Variants in SRPK2 observed in about 807,000 individuals in gnomAD.
SRPK2 encodes the protein SRSF protein kinase 2.
SRPK2 carries 21 observed loss-of-function variants against 90.8 expected under a neutral mutation model. The ratio of observed to expected loss-of-function variants is 0.23; its 90% CI spans 0.16 to 0.33. SRPK2 has a LOEUF of 0.33. Among genes scored for constraint, SRPK2 ranks in the 10% least tolerant of loss-of-function variants. The pLI is 1.00. For missense variants in SRPK2, 620 were observed against 869.0 expected (o/e 0.71, Z 3.60); for synonymous variants, 288 against 311.1 (o/e 0.93, Z 0.78).
intron 2 of SRPK2, among the ~76,000 whole-genome samples, chr7:105,321,234 A>G (rs1340100210): frequency 6.6e-6 from 1 of 152,224 alleles, no homozygotes; most frequent in Non-Finnish European, 1.5e-5. Context: ...AGAACAGACT[A>G]TTCAACAAAT....
chr7:105,287,977 C>T (rs1371852796), intron 2 of SRPK2, among the ~76,000 whole-genome samples: 3 of 152,148 alleles, frequency 2.0e-5, no homozygotes, highest in Non-Finnish European at 4.4e-5. Flanking sequence ...AAAACACTGC[C>T]ATCACACCAT....
At chr7:105,297,492 A>G in intron 2 of SRPK2, 1 of 985,406 alleles carries the variant, frequency 1.0e-6, no homozygotes, top group Non-Finnish European at 1.2e-6. Context: ...GGCCCCTCAG[A>G]TGTATCAACA....
chr7:105,187,859 A>G (rs1793787768), intron 3 of SRPK2, among the ~76,000 whole-genome samples: 1 of 152,232 alleles, frequency 6.6e-6, no homozygotes, highest in African/African-American at 2.4e-5. Flanking sequence ...TAATAGAATT[A>G]CAGAAGCAAG....
intron 7 of SRPK2, among the ~76,000 whole-genome samples, chr7:105,153,859 C>A (rs571721741): frequency 5.3e-5 from 8 of 152,276 alleles, no homozygotes; most frequent in African/African-American, 1.9e-4. Flanking sequence ...TACTTGTGGG[C>A]GTGCGGGACA....
chr7:105,379,473 T>C (rs192128109), intron 2 of SRPK2, among the ~76,000 whole-genome samples: 1 of 152,272 alleles, frequency 6.6e-6, no homozygotes, highest in African/African-American at 2.4e-5. Context: ...GTATATTCTA[T>C]ATGATTTCAT....
rs556687655 is a variant in SRPK2, at chr7:105,142,406, G to A, written c.1145C>T (p.Ala382Val). ...TTCTATCCACGTAGGGTCTATGTTC[G>A]CAAGTTCCTGATCTACATCATCTTC... ...KDEDDVDQEL[A>V]NIDPTWIESP... The change falls in exon 11 of 16, where the codon GCG (alanine) becomes GTG (valine). Residue 382 changes from alanine (A) to valine (V), a missense_variant. Around this residue, in one of 8 missense-constraint regions of SRPK2, gnomAD observed 243 missense variants for 245.7 expected, o/e 0.99. Coordinates refer to ENST00000393651, the MANE Select transcript of SRPK2 (RefSeq NM_182692.3). 1.1e-5 allele frequency: 17 copies of A among 1,613,860 alleles called. No individual in the cohort carries two copies. Among genetic ancestry groups the A allele is most frequent in the South Asian group, 2.2e-5 (2 of 91,064 alleles).
At chr7:105,398,622 T>G (rs1209209947) in intron 1 of SRPK2, among the ~76,000 whole-genome samples, 1 of 152,188 alleles carries the variant, frequency 6.6e-6, no homozygotes. Flanking sequence ...AAGCCTCCTT[T>G]TAAAAGCACC....
Position 105,285,724 on chromosome 7 carries a change from C to T in SRPK2, c.72-81939G>A, listed in dbSNP as rs148965361. Among the ~76,000 whole-genome samples the T allele has an allele frequency of 8.1e-4, 124 of 152,282 alleles. No individual in the cohort carries two copies. The East Asian group carries it at 0.022, about 27-fold the overall frequency. On this transcript the variant is annotated intron_variant, in intron 2 of 15. Transcript: ENST00000393651. ...CTCTCTCTTGCTCCAGCTCTTACCA[C>T]GCAACCCATCTAACCACCTGCTCTC...
At chr7:105,383,993 T>C (rs1034809059) in intron 2 of SRPK2, among the ~76,000 whole-genome samples, 12 of 152,138 alleles carry the variant, frequency 7.9e-5, no homozygotes, top group Non-Finnish European at 1.6e-4. Flanking sequence ...GAAATAAATA[T>C]GGAGTTTCTT....
intron 2 of SRPK2, among the ~76,000 whole-genome samples, chr7:105,228,625 T>C (rs969869875): frequency 6.6e-6 from 1 of 152,178 alleles, no homozygotes; most frequent in Non-Finnish European, 1.5e-5. Flanking sequence ...AAGAGAGCAG[T>C]GTAACACCCT....
intron 2 of SRPK2, among the ~76,000 whole-genome samples, chr7:105,205,496 T>TTCTCTCTCTC (rs57970307): frequency 7.3e-6 from 1 of 137,762 alleles, no homozygotes; most frequent in African/African-American, 2.9e-5. Flanking sequence ...ATAATATTCA[T>TTCTCTCTCTC]TCTCTCTCTC....
chr7:105,271,074 C>T lies in SRPK2; in HGVS notation c.72-67289G>A, dbSNP rs1370340285. 2.8e-4 allele frequency among the ~76,000 whole-genome samples: 42 copies of T among 152,204 alleles called. 2 individuals carry two copies. Among genetic ancestry groups the T allele is most frequent in the Admixed American group, 2.7e-3 (42 of 15,282 alleles). On this transcript the variant is annotated intron_variant, in intron 2 of 15. Coordinates refer to ENST00000393651, the MANE Select transcript of SRPK2 (RefSeq NM_182692.3). Reference sequence around the variant, plus strand: ...ACTTAACTTTAATCTGTATCTCAGCCTCCCTTCCTAGAGAATTGTGCTCCA... The same window carrying T: ...ACTTAACTTTAATCTGTATCTCAGCTTCCCTTCCTAGAGAATTGTGCTCCA...
Position 105,170,383 on chromosome 7 carries a change from G to A in SRPK2, c.230-1118C>T, listed in dbSNP as rs1454409922. On this transcript the variant is annotated intron_variant, in intron 3 of 15. Coordinates refer to ENST00000393651, the MANE Select transcript of SRPK2 (RefSeq NM_182692.3). Reference sequence around the variant, plus strand: ...TCTGCCAACTCCTAACTCCTGCCTGGAAACATTCCTCACAAATGAAGAAAT... The same window carrying A: ...TCTGCCAACTCCTAACTCCTGCCTGAAAACATTCCTCACAAATGAAGAAAT... Among the ~76,000 whole-genome samples, 11 of 151,930 alleles carry A rather than the reference G, an allele frequency of 7.2e-5. No individual in the cohort carries two copies. In the East Asian group the frequency reaches 2.1e-3, roughly 30 times the overall value.
chr7:105,244,856 G>C, intron 2 of SRPK2: 3 of 1,167,452 alleles, frequency 2.6e-6, no homozygotes, highest in Non-Finnish European at 3.9e-6. Flanking sequence ...AAGACAAACG[G>C]GTCCTCAAGT....
At chr7:105,365,005 G>A (rs1259688453) in intron 2 of SRPK2, among the ~76,000 whole-genome samples, 1 of 152,162 alleles carries the variant, frequency 6.6e-6, no homozygotes, top group East Asian at 1.9e-4. Flanking sequence ...TTCAAGGTTA[G>A]CAGCTTTACA....
chr7:105,311,495 A>C (rs1317825210), intron 2 of SRPK2, among the ~76,000 whole-genome samples: 1 of 152,214 alleles, frequency 6.6e-6, no homozygotes, highest in South Asian at 2.1e-4. Context: ...GGCCTCCCAA[A>C]GTGCTGGGAT....
chr7:105,272,552 G>A (rs1451323834), intron 2 of SRPK2, among the ~76,000 whole-genome samples: 1 of 151,456 alleles, frequency 6.6e-6, no homozygotes, highest in Non-Finnish European at 1.5e-5. Flanking sequence ...TTCTAACTCT[G>A]GGTACTTTGC....
intron 2 of SRPK2, among the ~76,000 whole-genome samples, chr7:105,296,089 GA>G (rs11313005): frequency 0.43 from 65,756 of 151,894 alleles, 15,626 homozygotes; most frequent in Non-Finnish European, 0.53. Context: ...TCCTACTAAA[GA>G]ATGGCTCTGA....
chr7:105,276,621 T>C (rs2130716177), intron 2 of SRPK2, among the ~76,000 whole-genome samples: 1 of 151,528 alleles, frequency 6.6e-6, no homozygotes, highest in East Asian at 1.9e-4. Flanking sequence ...CACGTGTGGT[T>C]CAGCTACTTA....
Sources: gnomAD v4.1 joint callset for allele counts (sites outside exome capture counted in the v4.1 genomes callset) on GRCh38, gnomAD v4.1.1 for gene constraint, gnomAD v4.1.1 regional missense constraint, MANE v1.5 for transcripts, NCBI Gene and HGNC (gene_info 2026-07-23, HGNC 2026-07-21) for gene names.